The following A2M variants were observed in gnomAD, a reference collection of about 807,000 sequenced individuals.
A2M encodes C3 and PZP-like alpha-2-macroglobulin domain-containing protein 5.
Under a neutral mutation model 183.9 loss-of-function variants are expected in A2M, and 128 were observed. The ratio of observed to expected loss-of-function variants is 0.70; its 90% CI spans 0.60 to 0.81. The LOEUF is 0.81. Ranked by LOEUF, A2M falls within the 30% of genes least tolerant of loss-of-function variation. The pLI, the probability that A2M is intolerant of heterozygous loss-of-function variation, is 0.00. For missense variants in A2M, 1,495 were observed against 1,787.6 expected, an observed-to-expected ratio of 0.84 and a Z score of 2.95; for synonymous variants, 592 against 670.8, an observed-to-expected ratio of 0.88 and a Z score of 1.81.
intron 6 of A2M, 42 bp from the exon 7 acceptor site, chr12:9,109,447 C>T: frequency 6.0e-6 from 9 of 1,492,010 alleles, no homozygotes; most frequent in Non-Finnish European, 8.4e-6. Flanking sequence ...TGGTTTTCAA[C>T]TTTGGGGGAA....
chr12:9,091,952 A>ATT (rs1949226377), intron 18 of A2M, among the ~76,000 whole-genome samples: 1 of 152,214 alleles, frequency 6.6e-6, no homozygotes, highest in Non-Finnish European at 1.5e-5. Context: ...TAGCTGATGT[A>ATT]TTTATGTTAA....
intron 22 of A2M, among the ~76,000 whole-genome samples, chr12:9,080,950 C>T (rs1027029867): frequency 2.0e-5 from 3 of 151,950 alleles, no homozygotes; most frequent in Non-Finnish European, 4.4e-5. Context: ...AATAAAATAA[C>T]TGCTACTGAT....
intron 14 of A2M, 40 bp downstream of exon 14, chr12:9,099,341 A>G: frequency 1.3e-6 from 2 of 1,523,056 alleles, no homozygotes; most frequent in Non-Finnish European, 1.8e-6. Flanking sequence ...AGTAACTTCT[A>G]GTTTTACATG....
At chr12:9,099,339 C>T (rs1218797299) in intron 14 of A2M, 42 bp downstream of exon 14, 1 of 1,522,764 alleles carries the variant, frequency 6.6e-7, no homozygotes, top group Non-Finnish European at 8.9e-7. Context: ...ATAGTAACTT[C>T]TAGTTTTACA....
chr12:9,101,209 T>C lies in A2M; in HGVS notation c.1495-2A>G. On this transcript the variant is annotated splice_acceptor_variant, in intron 12 of 35. Transcript: ENST00000318602. LOFTEE classifies it high-confidence loss of function. Reference sequence around the variant, plus strand: ...GACAATGCCTCCCTTTGCCATTATCTGCAAAAAAGGAAATAAAAAGAAATT... The same window carrying C: ...GACAATGCCTCCCTTTGCCATTATCCGCAAAAAAGGAAATAAAAAGAAATT... The C allele has an allele frequency of 6.4e-7, 1 of 1,556,682 alleles. No homozygotes were observed. The highest frequency in any genetic ancestry group is 8.7e-7 in the Non-Finnish European group (1 of 1,149,508).
chr12:9,068,175 T>TACTC lies in A2M; in HGVS notation c.4408+7_4408+8insGAGT. 6.2e-7 allele frequency: 1 copy of TACTC among 1,610,314 alleles called. No individual in the cohort carries two copies. The highest frequency in any genetic ancestry group is 1.7e-4 in the Middle Eastern group (1 of 6,042). On this transcript the variant is annotated splice_region_variant and intron_variant, in intron 35 of 35. Coordinates refer to ENST00000318602, the MANE Select transcript of A2M (RefSeq NM_000014.6). ...TGACTGCCTTTTGGAGGAGTGTGAG[T>TACTC]GGCTTACCTTTGCTGCAAGGAGCAT...
chr12:9,070,655 A>G, intron 31 of A2M, 77 bp from the exon 32 acceptor site: 1 of 957,504 alleles, frequency 1.0e-6, no homozygotes, highest in Non-Finnish European at 1.6e-6. Context: ...CATGTTAAGC[A>G]TTCCACAGCT....
chr12:9,083,755 A>G (rs1266248512), intron 22 of A2M, among the ~76,000 whole-genome samples: 3 of 57,416 alleles, frequency 5.2e-5, no homozygotes, highest in East Asian at 2.4e-4. Context: ...ATAGAATCAG[A>G]AAAAAAAAAA....
At position 9,101,690 on chromosome 12, in the gene A2M, AATTAT is replaced by A. The variant is rs375184553; in HGVS notation, c.1267-21_1267-17del. ...TGTAATTGACCTAATGAATTAGAAA[AATTAT>A]ATTATTTTTAGATTATACGTCATAA... On this transcript the variant is annotated splice_polypyrimidine_tract_variant and intron_variant, in intron 11 of 35. Coordinates refer to ENST00000318602, the MANE Select transcript of A2M (RefSeq NM_000014.6). 90 of 1,559,346 alleles carry A rather than the reference AATTAT, an allele frequency of 5.8e-5. 1 individual carries two copies. The South Asian group carries it at 8.0e-4, about 14-fold the overall frequency.
chr12:9,113,681 C>T (rs226382), intron 1 of A2M, 138 bp from the exon 2 acceptor site: 408,628 of 825,356 alleles, frequency 0.5, 106,403 homozygotes, highest in African/African-American at 0.75. Context: ...GAAATTTGGC[C>T]GTTGAAGGCC....
Position 9,112,289 on chromosome 12 carries a change from C to T in A2M, c.431-78G>A. 4.4e-6 allele frequency: 7 copies of T among 1,605,830 alleles called. No individual in the cohort carries two copies. In the Admixed American group the frequency reaches 1.0e-4, roughly 23 times the overall value. On this transcript the variant is annotated intron_variant, in intron 3 of 35. Coordinates refer to ENST00000318602, the MANE Select transcript of A2M (RefSeq NM_000014.6). The stretch of plus-strand genomic sequence containing the variant: ...CTGGTAAGACAAGCTATTAAGGAAC[C>T]AAGATTATAGGAACTTTGCCTGGGG...
intron 20 of A2M, among the ~76,000 whole-genome samples, 158 bp downstream of exon 20, chr12:9,090,198 T>C (rs982510614): frequency 6.6e-6 from 1 of 152,134 alleles, no homozygotes; most frequent in Non-Finnish European, 1.5e-5. Flanking sequence ...GGTGGAGATG[T>C]TGAGGATATC....
chr12:9,080,153 G>A lies in A2M; in HGVS notation c.2795C>T (p.Ser932Phe). 6.3e-7 allele frequency: 1 copy of A among 1,586,652 alleles called. No individual in the cohort carries two copies. Among genetic ancestry groups the A allele is most frequent in the South Asian group, 1.2e-5 (1 of 86,418 alleles). The change falls in exon 23 of 36, where the codon TCC becomes TTC. Residue 932 changes from serine (S) to phenylalanine (F), a missense_variant. Transcript: ENST00000318602. ...TACCACATTTGGTGGCAGTTTCAGG[G>A]ATAATTCTTCAGAAACCTCACCACC... ...PSGGEVSEEL[S>F]LKLPPNVVEE... is the part of the protein sequence containing the mutation.
intron 16 of A2M, 108 bp from the exon 17 acceptor site, chr12:9,095,192 A>G: frequency 1.7e-6 from 1 of 577,792 alleles, no homozygotes; most frequent in Non-Finnish European, 2.9e-6. Flanking sequence ...CTTAAATTAA[A>G]CTTTTAACAT....
intron 25 of A2M, among the ~76,000 whole-genome samples, chr12:9,078,137 T>C (rs577138424): frequency 1.3e-5 from 2 of 152,296 alleles, no homozygotes; most frequent in South Asian, 2.1e-4. Flanking sequence ...TAAGTATACG[T>C]GTGCCATGGT....
At chr12:9,108,725 ACTTT>A (rs1321991520) in intron 7 of A2M, among the ~76,000 whole-genome samples, 1 of 152,016 alleles carries the variant, frequency 6.6e-6, no homozygotes, top group African/African-American at 2.4e-5. Flanking sequence ...AGGAAACAAG[ACTTT>A]TCAAGGTTGG....
chr12:9,086,562 G>A (rs1949056795), intron 22 of A2M, among the ~76,000 whole-genome samples: 1 of 152,132 alleles, frequency 6.6e-6, no homozygotes, highest in Admixed American at 6.5e-5. Flanking sequence ...CTTGTTAGAT[G>A]GAGAAAAAGT....
At chr12:9,090,608 A>G (rs1949181546) in intron 19 of A2M, 126 bp from the exon 20 acceptor site, 3 of 925,142 alleles carry the variant, frequency 3.2e-6, no homozygotes, top group Non-Finnish European at 4.8e-6. Flanking sequence ...GATATAAATG[A>G]AGATCAAGTA....
intron 6 of A2M, 43 bp from the exon 7 acceptor site, chr12:9,109,448 T>G (rs752499848): frequency 6.8e-7 from 1 of 1,469,918 alleles, no homozygotes; most frequent in Non-Finnish European, 9.5e-7. Context: ...GGTTTTCAAC[T>G]TTGGGGGAAT....
Sources: gnomAD v4.1 joint callset for allele counts (sites outside exome capture counted in the v4.1 genomes callset) on GRCh38, gnomAD v4.1.1 for gene constraint, MANE v1.5 for transcripts, NCBI Gene and HGNC (gene_info 2026-07-23, HGNC 2026-07-21) for gene names.